ZBTB16: variants seen among roughly 807,000 people sequenced by gnomAD.
ZBTB16 encodes the protein zinc finger and BTB domain-containing protein 16.
In ZBTB16, 8 loss-of-function variants were observed where a neutral mutation model predicts 56.8. The observed-to-expected ratio is 0.14, with a 90% CI of 0.08 to 0.25. The LOEUF is 0.25. Ranked by LOEUF, ZBTB16 falls within the 10% of genes least tolerant of loss-of-function variation. The pLI is 1.00. For synonymous variants in ZBTB16, 363 were observed against 368.5 expected, an observed-to-expected ratio of 0.98 and a Z score of 0.17; for missense variants, 625 against 903.0, an observed-to-expected ratio of 0.69 and a Z score of 3.95.
intron 2 of ZBTB16, among the ~76,000 whole-genome samples, chr11:114,090,841 T>A (rs1346954919): frequency 2.0e-5 from 3 of 152,218 alleles, no homozygotes; most frequent in African/African-American, 7.2e-5. Flanking sequence ...TCTGCTTTTT[T>A]TCTGTAGCAT....
In ZBTB16 at chr11:114,059,727, G is replaced by A. The variant is rs551516510; in HGVS notation, c.-246G>A. On this transcript the variant is annotated 5_prime_UTR_variant, in exon 1 of 7. Coordinates refer to ENST00000335953, the MANE Select transcript of ZBTB16 (RefSeq NM_006006.6). This position sits in a 1 kb window ranked among gnomAD's most constrained non-coding sequence, Gnocchi z 5.3. ...TAACCTCGCAGCAGAGAGGAGTTGA[G>A]GGCGATGAGAGCGGGTACTGCGAAC... 3.7e-4 allele frequency: 146 copies of A among 398,482 alleles called. No homozygotes were observed. Among genetic ancestry groups the A allele is most frequent in the African/African-American group, 2.7e-3 (133 of 48,722 alleles). The allele number at this position is 398,482 out of a possible 1,614,324, so 24.7% of individuals were successfully genotyped here.
At chr11:114,163,580 G>A (rs1041397715) in intron 3 of ZBTB16, among the ~76,000 whole-genome samples, 6 of 152,072 alleles carry the variant, frequency 3.9e-5, no homozygotes, top group African/African-American at 1.4e-4. Flanking sequence ...TCCTAGTCAG[G>A]CCAGCTGAAC....
chr11:114,250,810 G>A lies in ZBTB16; in HGVS notation c.*255G>A. The A allele has an allele frequency of 1.8e-6, 1 of 554,944 alleles. No individual in the cohort carries two copies. 34.4% of individuals were successfully genotyped at this position (554,944 alleles called of 1,614,324 possible). A position where few individuals can be genotyped will look rare whatever the true frequency, so the allele number is the denominator to read the frequency against. ...GCCTGATTTTCTGGGATGGGGTTGG[G>A]TATTTTGTTCACTCAAATGGTGGCA... On this transcript the variant is annotated 3_prime_UTR_variant, in exon 7 of 7. Transcript: ENST00000335953. The surrounding 1 kb of genome is among the most constrained non-coding windows in gnomAD (Gnocchi z 6.0).
intron 2 of ZBTB16, among the ~76,000 whole-genome samples, chr11:114,152,149 T>C (rs1942293501): frequency 6.6e-6 from 1 of 152,214 alleles, no homozygotes; most frequent in South Asian, 2.1e-4. Flanking sequence ...ATGCCATAGA[T>C]GCCACTTTAC....
intron 2 of ZBTB16, among the ~76,000 whole-genome samples, chr11:114,073,975 A>T (rs758407044): frequency 6.6e-6 from 1 of 152,194 alleles, no homozygotes; most frequent in Non-Finnish European, 1.5e-5. Flanking sequence ...CTGACGTCTG[A>T]TGGACTTGGG....
intron 2 of ZBTB16, among the ~76,000 whole-genome samples, chr11:114,065,957 T>C (rs1311215125): frequency 6.6e-6 from 1 of 152,186 alleles, no homozygotes; most frequent in African/African-American, 2.4e-5. Flanking sequence ...AGTTTGTTTT[T>C]TTTTTCCTTG....
At chr11:114,136,446 C>G (rs1320499260) in intron 2 of ZBTB16, among the ~76,000 whole-genome samples, 1 of 152,098 alleles carries the variant, frequency 6.6e-6, no homozygotes, top group Non-Finnish European at 1.5e-5. Context: ...GAAAGAGCAT[C>G]TTATTTTACA....
At position 114,064,602 on chromosome 11, in the gene ZBTB16, G is replaced by T; in HGVS notation, c.1268+34G>T. 3.7e-6 allele frequency: 6 copies of T among 1,610,806 alleles called. No individual in the cohort carries two copies. The highest frequency in any genetic ancestry group is 5.1e-6 in the Non-Finnish European group (6 of 1,179,570). On this transcript the variant is annotated intron_variant, in intron 2 of 6. Transcript: ENST00000335953. This position sits in a 1 kb window ranked among gnomAD's most constrained non-coding sequence, Gnocchi z 4.2. ...CGCTCCAGCCCCGCACCTGATGTAG[G>T]ACTTGAGGCCCTCACACCCCTCCTT...
chr11:114,214,729 G>C (rs1314964494), intron 4 of ZBTB16, among the ~76,000 whole-genome samples: 1 of 152,172 alleles, frequency 6.6e-6, no homozygotes, highest in Non-Finnish European at 1.5e-5. Flanking sequence ...TTAGCCTCGT[G>C]AGTAGCTGGG....
chr11:114,235,343 A>G (rs1944542250), intron 4 of ZBTB16, among the ~76,000 whole-genome samples: 1 of 152,224 alleles, frequency 6.6e-6, no homozygotes, highest in Admixed American at 6.5e-5. Context: ...TGATTAAGAA[A>G]CTGCTTATAG....
chr11:114,173,365 G>A (rs1943020786), intron 3 of ZBTB16, among the ~76,000 whole-genome samples: 1 of 152,166 alleles, frequency 6.6e-6, no homozygotes, highest in Admixed American at 6.5e-5. Context: ...AAGGGAGGGT[G>A]GCAGTCTCTG....
chr11:114,161,238 A>G (rs1285328801), intron 3 of ZBTB16, among the ~76,000 whole-genome samples: 4 of 151,966 alleles, frequency 2.6e-5, no homozygotes, highest in Non-Finnish European at 5.9e-5. Flanking sequence ...GGTGGCTTAT[A>G]AGTGAGCATG....
chr11:114,185,071 G>C (rs1305234744), intron 3 of ZBTB16, among the ~76,000 whole-genome samples: 1 of 152,022 alleles, frequency 6.6e-6, no homozygotes, highest in African/African-American at 2.4e-5. Context: ...AGTCAGGCAT[G>C]GTGGCGTGCA....
intron 5 of ZBTB16, chr11:114,246,677 C>T (rs780077196): frequency 2.4e-5 from 4 of 167,516 alleles, no homozygotes; most frequent in Non-Finnish European, 5.2e-5. Context: ...ATTAGGAGTT[C>T]ACCAGGGAGA....
intron 4 of ZBTB16, among the ~76,000 whole-genome samples, chr11:114,196,959 CA>C (rs1246146829): frequency 1.4e-4 from 22 of 152,094 alleles, no homozygotes; most frequent in Non-Finnish European, 2.2e-4. Flanking sequence ...TTCTGTACCC[CA>C]GAGCCCACAT....
chr11:114,187,094 GAC>G (rs1943378112), intron 4 of ZBTB16, 56 bp downstream of exon 4: 7 of 1,556,818 alleles, frequency 4.5e-6, no homozygotes, highest in Non-Finnish European at 5.3e-6. Context: ...GTAGCACATG[GAC>G]ATGAACTGTC....
intron 3 of ZBTB16, among the ~76,000 whole-genome samples, chr11:114,184,539 C>T (rs758742602): frequency 2.0e-4 from 30 of 152,112 alleles, no homozygotes; most frequent in South Asian, 8.3e-4. Context: ...CCGAAGGGTA[C>T]GGGGATTACT....
At chr11:114,065,767 C>T (rs1258160553) in intron 2 of ZBTB16, among the ~76,000 whole-genome samples, 1 of 152,154 alleles carries the variant, frequency 6.6e-6, no homozygotes, top group South Asian at 2.1e-4. Context: ...TGTCAAGTCT[C>T]TTTTCTAGGG....
intron 2 of ZBTB16, among the ~76,000 whole-genome samples, chr11:114,100,336 T>C (rs1940563789): frequency 1.3e-5 from 2 of 152,304 alleles, no homozygotes; most frequent in South Asian, 4.1e-4. Context: ...TTGGCGGCAC[T>C]GGGTCAAACC....
Sources: gnomAD v4.1 joint callset for allele counts (sites outside exome capture counted in the v4.1 genomes callset) on GRCh38, gnomAD v4.1.1 for gene constraint, Gnocchi (gnomAD v3.1) non-coding constraint, MANE v1.5 for transcripts, NCBI Gene and HGNC (gene_info 2026-07-23, HGNC 2026-07-21) for gene names.